Variants in ADGRV1 observed in about 807,000 individuals in gnomAD.
ADGRV1 encodes the protein G-protein coupled receptor 98.
Under a neutral mutation model 596.2 loss-of-function variants are expected in ADGRV1, and 359 were observed. The ratio of observed to expected loss-of-function variants is 0.60; its 90% CI spans 0.55 to 0.66. The LOEUF (loss-of-function observed/expected upper bound fraction) is 0.66, where lower values mean the gene tolerates loss of function less well. Ranked by LOEUF, ADGRV1 falls within the 30% of genes least tolerant of loss-of-function variation. The probability of loss-of-function intolerance (pLI) is 0.00; values close to 1 mark genes in which losing one functional copy is unlikely to be tolerated. For missense variants in ADGRV1, 7,274 were observed against 7,575.6 expected, an observed-to-expected ratio of 0.96 and a Z score of 1.48; for synonymous variants, 2,681 against 2,679.2, an observed-to-expected ratio of 1.00 and a Z score of -0.02.
rs578251164 is a variant in ADGRV1, at chr5:91,164,108, A to T, written c.*208A>T. On this transcript the variant is annotated 3_prime_UTR_variant, in exon 90 of 90. Coordinates refer to ENST00000405460, the MANE Select transcript of ADGRV1 (RefSeq NM_032119.4). ...TATAAGAAAGGTGGAGTCAGTTTGT[A>T]TCAGTTAATAGGATGTTCATATTCC... 27 of 659,288 alleles carry T rather than the reference A, an allele frequency of 4.1e-5. No individual in the cohort carries two copies. In the East Asian group the frequency reaches 6.9e-4, roughly 17 times the overall value. The allele number at this position is 659,288 out of a possible 1,614,324, so 40.8% of individuals were successfully genotyped here. A position where few individuals can be genotyped will look rare whatever the true frequency, so the allele number is the denominator to read the frequency against.
intron 77 of ADGRV1, among the ~76,000 whole-genome samples, chr5:90,839,320 T>C (rs927574034): frequency 6.6e-6 from 1 of 152,210 alleles, no homozygotes; most frequent in Non-Finnish European, 1.5e-5. Flanking sequence ...ATTCAAGCGA[T>C]TCTCCTGCCG....
intron 75 of ADGRV1, among the ~76,000 whole-genome samples, chr5:90,816,368 G>T (rs1466578663): frequency 6.8e-6 from 1 of 146,966 alleles, no homozygotes; most frequent in African/African-American, 2.5e-5. Context: ...TTAATTTTCT[G>T]TTTTTTTTTA....
chr5:90,627,644 G>A lies in ADGRV1; in HGVS notation c.1106G>A (p.Gly369Glu). The A allele has an allele frequency of 1.2e-6, 2 of 1,613,804 alleles. No homozygotes were observed. Among genetic ancestry groups the A allele is most frequent in the Non-Finnish European group, 1.7e-6 (2 of 1,179,798 alleles). The change falls in exon 7 of 90, where the codon GGA becomes GAA. Residue 369 changes from glycine to glutamate, a missense_variant. Gly to Glu is a moderately conservative substitution (Grantham distance 98). Coordinates refer to ENST00000405460, the MANE Select transcript of ADGRV1 (RefSeq NM_032119.4). ...HIMLLKDTLQ[G>E]DAVLISPSVV... ...ATGTTACTAAAAGATACCTTACAGGGAGATGCTGTGCTAATAAGCCCTTCT... is the reference window on the plus strand; with the variant it reads ...ATGTTACTAAAAGATACCTTACAGGAAGATGCTGTGCTAATAAGCCCTTCT...
chr5:90,975,048 A>G lies in ADGRV1; in HGVS notation c.17973+9517A>G, dbSNP rs191676109. ...ATCACAAAGTGGGCGAAGGATATGA[A>G]CAGACACTTCTCAAAATAAGACATT... On this transcript the variant is annotated intron_variant, in intron 84 of 89. Coordinates refer to ENST00000405460, the MANE Select transcript of ADGRV1 (RefSeq NM_032119.4). 1.2e-3 allele frequency among the ~76,000 whole-genome samples: 186 copies of G among 152,328 alleles called. 1 individual carries two copies. Among genetic ancestry groups the G allele is most frequent in the African/African-American group, 4.4e-3 (182 of 41,566 alleles).
In ADGRV1 at chr5:90,809,463, T is replaced by A. The variant is rs75945334; in HGVS notation, c.14973-770T>A. 0.027 allele frequency among the ~76,000 whole-genome samples: 4,131 copies of A among 152,270 alleles called. 274 individuals carry two copies. The East Asian group carries it at 0.28, about 10-fold the overall frequency. ...ACACAGTTAATATATGTTGGGGCCA[T>A]GATTTCAACCCAGGCTGAATGGCCT... On this transcript the variant is annotated intron_variant, in intron 73 of 89. Transcript: ENST00000405460.
Position 90,976,320 on chromosome 5 carries a change from G to GTATA in ADGRV1, c.17974-9023_17974-9022insATAT, listed in dbSNP as rs1250040638. ...TATATGTGTGTGTGTGTGTGTGTGT[G>GTATA]TGTATATATATATATATATATATAT... is the stretch of plus-strand genomic sequence containing the variant. On this transcript the variant is annotated intron_variant, in intron 84 of 89. Coordinates refer to ENST00000405460, the MANE Select transcript of ADGRV1 (RefSeq NM_032119.4). Among the ~76,000 whole-genome samples, 121 of 110,396 alleles carry GTATA rather than the reference G, an allele frequency of 1.1e-3. 1 individual carries two copies. Among genetic ancestry groups the GTATA allele is most frequent in the Middle Eastern group, 4.8e-3 (1 of 208 alleles). The allele number at this position is 110,396 out of a possible 152,430, so 72.4% of individuals were successfully genotyped here. A position where few individuals can be genotyped will look rare whatever the true frequency, so the allele number is the denominator to read the frequency against.
intron 83 of ADGRV1, among the ~76,000 whole-genome samples, chr5:90,930,716 A>G (rs1775164180): frequency 6.6e-6 from 1 of 152,166 alleles, no homozygotes; most frequent in African/African-American, 2.4e-5. Context: ...TACTGCCCTA[A>G]TCAACTTGGT....
chr5:90,880,106 C>T (rs1769612356), intron 83 of ADGRV1, among the ~76,000 whole-genome samples: 1 of 151,926 alleles, frequency 6.6e-6, no homozygotes, highest in African/African-American at 2.4e-5. Flanking sequence ...TTCAGGTATG[C>T]TACTTTATTT....
chr5:90,920,010 A>G lies in ADGRV1; in HGVS notation c.17857-45405A>G, dbSNP rs77789601. On this transcript the variant is annotated intron_variant, in intron 83 of 89. Coordinates refer to ENST00000405460, the MANE Select transcript of ADGRV1 (RefSeq NM_032119.4). The stretch of plus-strand genomic sequence containing the variant: ...ACTCCATCTCAAAAAAAAAAAAAAA[A>G]AAAAAGAAAAATATTTTGGAAGAGT... Among the ~76,000 whole-genome samples, 766 of 152,036 alleles carry G rather than the reference A, an allele frequency of 5.0e-3. 18 individuals are homozygous for G. In the East Asian group the frequency reaches 0.069, roughly 14 times the overall value.
intron 83 of ADGRV1, among the ~76,000 whole-genome samples, chr5:90,916,521 GT>G (rs1297570221): frequency 4.0e-5 from 6 of 150,674 alleles, no homozygotes; most frequent in Non-Finnish European, 8.9e-5. Flanking sequence ...AAGAAGCAAT[GT>G]TTTATATAGT....
intron 1 of ADGRV1, among the ~76,000 whole-genome samples, chr5:90,580,940 T>C (rs1170569275): frequency 1.3e-5 from 2 of 152,164 alleles, no homozygotes; most frequent in Non-Finnish European, 2.9e-5. Context: ...TTTTGAAGGC[T>C]TTGTTCGTTT....
At chr5:90,998,674 G>T (rs371240934) in intron 85 of ADGRV1, among the ~76,000 whole-genome samples, 1 of 152,016 alleles carries the variant, frequency 6.6e-6, no homozygotes, top group African/African-American at 2.4e-5. Context: ...AATGATATAT[G>T]TATAATTTTT....
At chr5:90,736,959 T>G (rs1025396230) in intron 50 of ADGRV1, among the ~76,000 whole-genome samples, 2 of 151,766 alleles carry the variant, frequency 1.3e-5, no homozygotes, top group Non-Finnish European at 2.9e-5. Context: ...AGTCTTTTAT[T>G]TATTTTTGCT....
intron 75 of ADGRV1, among the ~76,000 whole-genome samples, chr5:90,821,236 G>T (rs1339929698): frequency 6.7e-6 from 1 of 149,852 alleles, no homozygotes; most frequent in Non-Finnish European, 1.5e-5. Context: ...CATTCTTCAC[G>T]TAGTTCTCGA....
chr5:90,753,354 T>A (rs1470404703), intron 53 of ADGRV1, among the ~76,000 whole-genome samples: 1 of 152,048 alleles, frequency 6.6e-6, no homozygotes, highest in Non-Finnish European at 1.5e-5. Context: ...CATTTTTTTT[T>A]ATTAGCTTAA....
At chr5:90,651,482 T>C (rs1768617646) in intron 17 of ADGRV1, 122 bp from the exon 18 acceptor site, 1 of 795,854 alleles carries the variant, frequency 1.3e-6, no homozygotes, top group Admixed American at 3.1e-5. Context: ...TATATGACCT[T>C]CAGTGAGGAA....
chr5:90,886,992 C>T (rs1047003356), intron 83 of ADGRV1, among the ~76,000 whole-genome samples: 1 of 152,142 alleles, frequency 6.6e-6, no homozygotes, highest in African/African-American at 2.4e-5. Flanking sequence ...GCCTGCTTCA[C>T]CTCTTCTCTC....
chr5:90,730,451 A>T (rs1752410106), intron 50 of ADGRV1, among the ~76,000 whole-genome samples: 1 of 152,184 alleles, frequency 6.6e-6, no homozygotes, highest in Non-Finnish European at 1.5e-5. Flanking sequence ...TGCATTTATG[A>T]ATTTTTTTTA....
At chr5:91,018,256 C>T (rs1016394859) in intron 85 of ADGRV1, among the ~76,000 whole-genome samples, 1 of 151,922 alleles carries the variant, frequency 6.6e-6, no homozygotes, top group Non-Finnish European at 1.5e-5. Context: ...ATTCTCCCTG[C>T]CCTTAAATAT....
Sources: gnomAD v4.1 joint callset for allele counts (sites outside exome capture counted in the v4.1 genomes callset) on GRCh38, gnomAD v4.1.1 for gene constraint, MANE v1.5 for transcripts, NCBI Gene and HGNC (gene_info 2026-07-23, HGNC 2026-07-21) for gene names.